The following PCDH11Y variants were observed in gnomAD, a reference collection of about 807,000 sequenced individuals.
PCDH11Y encodes the protein protocadherin-11 Y-linked.
For synonymous variants in PCDH11Y, 9 were observed against 83.6 expected, an observed-to-expected ratio of 0.11 and a Z score of 4.87; for missense variants, 12 against 224.8, an observed-to-expected ratio of 0.05 and a Z score of 6.05.
chrY:5,700,722 G>C, intron 4 of PCDH11Y, among the ~76,000 whole-genome samples: 2 of 33,521 alleles, frequency 6.0e-5, no homozygotes, highest in Non-Finnish European at 1.5e-4. Context: ...CAGTAAATTG[G>C]TACTGAGAGT....
At chrY:5,187,362 T>C (rs1461280794) in intron 2 of PCDH11Y, among the ~76,000 whole-genome samples, 643 of 31,751 alleles carry the variant, frequency 0.02, no homozygotes, top group Non-Finnish European at 0.038. Context: ...CTAGCAGAGG[T>C]TCTCCATGAG....
At chrY:5,469,660 A>G in intron 2 of PCDH11Y, among the ~76,000 whole-genome samples, 1 of 34,187 alleles carries the variant, frequency 2.9e-5, no homozygotes, top group African/African-American at 1.1e-4. Flanking sequence ...AAATGTCTAT[A>G]AGCAAACAGT....
chrY:5,473,064 T>C, intron 2 of PCDH11Y, among the ~76,000 whole-genome samples: 2 of 33,265 alleles, frequency 6.0e-5, no homozygotes, highest in Non-Finnish European at 1.5e-4. Flanking sequence ...CCATAGCTTT[T>C]TGAAAATCCC....
chrY:5,325,179 G>A (rs2053117769), intron 2 of PCDH11Y, among the ~76,000 whole-genome samples: 1 of 33,471 alleles, frequency 3.0e-5, no homozygotes, highest in East Asian at 8.0e-4. Context: ...CCATCTGGTC[G>A]TATCCCTGCA....
chrY:5,210,030 C>A, intron 2 of PCDH11Y, among the ~76,000 whole-genome samples: 1 of 33,567 alleles, frequency 3.0e-5, no homozygotes, highest in African/African-American at 1.2e-4. Flanking sequence ...CCACTGCACT[C>A]CAGCCTGGGT....
intron 4 of PCDH11Y, among the ~76,000 whole-genome samples, chrY:5,717,406 C>G (rs2354884): frequency 6.1e-5 from 2 of 32,691 alleles, no homozygotes; most frequent in Admixed American, 2.8e-4. Flanking sequence ...TTAAAAAAAA[C>G]AAAACACTAA....
At chrY:5,227,234 G>C in intron 2 of PCDH11Y, among the ~76,000 whole-genome samples, 2 of 32,049 alleles carry the variant, frequency 6.2e-5, no homozygotes, top group Non-Finnish European at 1.5e-4. Flanking sequence ...TTTTTACATT[G>C]GTCACTGTTG....
intron 2 of PCDH11Y, chrY:5,114,441 G>A (rs2052806334): frequency 1.5e-5 from 1 of 66,420 alleles, no homozygotes; most frequent in Non-Finnish European, 3.6e-5. Flanking sequence ...AACTGCAGTT[G>A]GCGATATTGA....
chrY:5,338,767 A>G, intron 2 of PCDH11Y: 2 of 261,503 alleles, frequency 7.6e-6, no homozygotes, highest in Admixed American at 1.5e-4. Flanking sequence ...AACCCCTGAT[A>G]CAAGGTAGAA....
At chrY:5,740,275 T>C (rs2053615922) in exon 5 of PCDH11Y, 1 of 32,612 alleles carries the variant, frequency 3.1e-5, no homozygotes, top group Admixed American at 2.8e-4. Context: ...GGACTCAAAG[T>C]TGGATATTTG....
chrY:5,328,046 A>G (rs1602905242), intron 2 of PCDH11Y, among the ~76,000 whole-genome samples: 8 of 33,635 alleles, frequency 2.4e-4, no homozygotes, highest in Admixed American at 5.3e-4. Flanking sequence ...ATGGGGCAGC[A>G]TCAGTCTTCA....
chrY:5,471,743 C>G, intron 2 of PCDH11Y, among the ~76,000 whole-genome samples: 1 of 32,458 alleles, frequency 3.1e-5, no homozygotes, highest in Non-Finnish European at 7.7e-5. Flanking sequence ...ACATTGTATA[C>G]AGTGCTTTAT....
At chrY:5,477,185 A>G in intron 2 of PCDH11Y, among the ~76,000 whole-genome samples, 1 of 33,599 alleles carries the variant, frequency 3.0e-5, no homozygotes, top group Non-Finnish European at 7.4e-5. Flanking sequence ...GATATGTTCA[A>G]TCAATACCTA....
chrY:5,541,747 C>A lies in PCDH11Y; in HGVS notation c.3329-40028C>A, dbSNP rs973525925. 1.7e-4 allele frequency among the ~76,000 whole-genome samples: 3 copies of A among 18,077 alleles called. No homozygotes were observed. The East Asian group carries it at 3.7e-3, about 22-fold the overall frequency. The allele number at this position is 18,077 out of a possible 37,273, so 48.5% of individuals were successfully genotyped here. A position where few individuals can be genotyped will look rare whatever the true frequency, so the allele number is the denominator to read the frequency against. On this transcript the variant is annotated intron_variant, in intron 3 of 4. Transcript: ENST00000400457. ...TCTTTCTTTCTTTCTTTCTTTCTTTCTTTCTTTCTTTCTATATTATAGCAA... is the reference window on the plus strand; with the variant it reads ...TCTTTCTTTCTTTCTTTCTTTCTTTATTTCTTTCTTTCTATATTATAGCAA...
chrY:5,740,147 C>T (rs2053615792), exon 5 of PCDH11Y: 2 of 33,873 alleles, frequency 5.9e-5, no homozygotes, highest in African/African-American at 1.1e-4. Flanking sequence ...TACACACACA[C>T]ACACACACAC....
chrY:5,374,532 T>A (rs1602914665), intron 2 of PCDH11Y, among the ~76,000 whole-genome samples: 1 of 28,858 alleles, frequency 3.5e-5, no homozygotes, highest in East Asian at 9.0e-4. Context: ...TAAACACAAT[T>A]TCAGGAATTT....
At chrY:5,342,252 C>T (rs2053146359) in intron 2 of PCDH11Y, among the ~76,000 whole-genome samples, 1 of 33,282 alleles carries the variant, frequency 3.0e-5, no homozygotes, top group African/African-American at 1.2e-4. Flanking sequence ...TTCAATTTCA[C>T]AGGAAAGACT....
intron 4 of PCDH11Y, among the ~76,000 whole-genome samples, chrY:5,700,703 G>A (rs2053576977): frequency 6.0e-5 from 2 of 33,418 alleles, no homozygotes; most frequent in East Asian, 7.8e-4. Flanking sequence ...GTGTGAAAAC[G>A]AACTAATACA....
chrY:5,570,930 C>T (rs2124696217), intron 3 of PCDH11Y, among the ~76,000 whole-genome samples: 1 of 30,960 alleles, frequency 3.2e-5, no homozygotes, highest in Admixed American at 3.0e-4. Context: ...GTTAAGCTGT[C>T]AGTAATTCAC....
Sources: gnomAD v4.1 joint callset for allele counts (sites outside exome capture counted in the v4.1 genomes callset) on GRCh38, gnomAD v4.1.1 for gene constraint, MANE v1.5 for transcripts, NCBI Gene and HGNC (gene_info 2026-07-23, HGNC 2026-07-21) for gene names.